WWOX: variants seen among roughly 807,000 people sequenced by gnomAD.
The protein encoded by WWOX is WW domain-containing oxidoreductase.
In WWOX, 69 loss-of-function variants were observed where a neutral mutation model predicts 46.2. That is an observed-to-expected ratio of 1.49 (90% confidence interval 1.23 to 1.82). WWOX has a LOEUF of 1.82. Ranked by LOEUF, WWOX falls within the 40% of genes most tolerant of loss-of-function variation. The pLI, the probability that WWOX is intolerant of heterozygous loss-of-function variation, is 0.00. For synonymous variants in WWOX, 359 were observed against 202.6 expected, an observed-to-expected ratio of 1.77 and a Z score of -6.56; for missense variants, 919 against 542.6, an observed-to-expected ratio of 1.69 and a Z score of -6.89.
intron 4 of WWOX, among the ~76,000 whole-genome samples, chr16:78,150,990 AC>A (rs1356879201): frequency 6.7e-6 from 1 of 148,706 alleles, no homozygotes; most frequent in African/African-American, 2.5e-5. Flanking sequence ...TGATCCTCCC[AC>A]CTCAGCCTCT....
rs933671784 is a variant in WWOX at position 78,219,856 on chromosome 16, C to T, written c.516+55567C>T. Among the ~76,000 whole-genome samples, 8 of 152,006 alleles carry T rather than the reference C, an allele frequency of 5.3e-5. No homozygotes were observed. The South Asian group carries it at 1.2e-3, about 24-fold the overall frequency. ...TCTCTTGTTTTATCTTGACTTCTCT[C>T]GACTGTGGTGACGGTTTGCATATAT... is the stretch of plus-strand genomic sequence containing the variant. On this transcript the variant is annotated intron_variant, in intron 5 of 8. Coordinates refer to ENST00000566780, the MANE Select transcript of WWOX (RefSeq NM_016373.4).
intron 8 of WWOX, among the ~76,000 whole-genome samples, chr16:78,843,986 A>G (rs1294961253): frequency 6.6e-6 from 1 of 152,160 alleles, no homozygotes; most frequent in African/African-American, 2.4e-5. Context: ...CAAAACCCAG[A>G]TGATGTATTC....
At chr16:78,135,743 C>G (rs1567591582) in intron 4 of WWOX, among the ~76,000 whole-genome samples, 2 of 152,016 alleles carry the variant, frequency 1.3e-5, no homozygotes, top group Non-Finnish European at 2.9e-5. Context: ...CTAAAACTGA[C>G]TCAAAAAGAT....
At position 78,510,215 on chromosome 16, in the gene WWOX, C is replaced by T. The variant is rs557340865; in HGVS notation, c.1056+77463C>T. 9.2e-5 allele frequency among the ~76,000 whole-genome samples: 14 copies of T among 152,222 alleles called. No individual in the cohort carries two copies. In the East Asian group the frequency reaches 2.7e-3, roughly 29 times the overall value. On this transcript the variant is annotated intron_variant, in intron 8 of 8. Coordinates refer to ENST00000566780, the MANE Select transcript of WWOX (RefSeq NM_016373.4). ...TCTGTCTTTATTGTTTCACTTTCAT[C>T]CTTCTTTTTTTGGAGATGGAGTCTT... is the stretch of plus-strand genomic sequence containing the variant.
At chr16:78,718,098 T>TTTTTTTTTTATTTTTTTTTAG (rs1555522417) in intron 8 of WWOX, among the ~76,000 whole-genome samples, 1 of 150,810 alleles carries the variant, frequency 6.6e-6, no homozygotes, top group African/African-American at 2.4e-5. Flanking sequence ...GGTGGTTGTA[T>TTTTTTTTTTATTTTTTTTTAG]TTTTGCCTCA....
chr16:78,517,502 C>T (rs1345906406), intron 8 of WWOX, among the ~76,000 whole-genome samples: 1 of 152,170 alleles, frequency 6.6e-6, no homozygotes, highest in South Asian at 2.1e-4. Flanking sequence ...TTATGGCATC[C>T]TAATGAATGT....
At chr16:79,021,962 C>T (rs1360319892) in intron 8 of WWOX, among the ~76,000 whole-genome samples, 1 of 152,202 alleles carries the variant, frequency 6.6e-6, no homozygotes, top group Non-Finnish European at 1.5e-5. Flanking sequence ...ACCCATGTGA[C>T]GTTCTCTCTG....
chr16:78,509,509 G>C (rs1045524494), intron 8 of WWOX, among the ~76,000 whole-genome samples: 1 of 152,008 alleles, frequency 6.6e-6, no homozygotes, highest in African/African-American at 2.4e-5. Flanking sequence ...TACCGCATGT[G>C]ACTATTAGCT....
chr16:78,771,345 A>C (rs1125678), intron 8 of WWOX, among the ~76,000 whole-genome samples: 113,651 of 152,148 alleles, frequency 0.75, 43,429 homozygotes, highest in Middle Eastern at 0.88. Flanking sequence ...GTTGAAGAAC[A>C]TGCATGCCCA....
At chr16:78,883,012 G>A (rs1052020972) in intron 8 of WWOX, among the ~76,000 whole-genome samples, 26 of 152,222 alleles carry the variant, frequency 1.7e-4, no homozygotes, top group African/African-American at 5.1e-4. Context: ...CCGACACAAG[G>A]AACTGCAACT....
intron 4 of WWOX, among the ~76,000 whole-genome samples, chr16:78,139,222 C>G (rs369647153): frequency 2.6e-5 from 4 of 152,224 alleles, no homozygotes; most frequent in African/African-American, 9.6e-5. Context: ...ATAATCCTAG[C>G]TTTCTTCAAG....
At chr16:79,151,692 C>G (rs1355928933) in intron 8 of WWOX, among the ~76,000 whole-genome samples, 1 of 152,104 alleles carries the variant, frequency 6.6e-6, no homozygotes, top group African/African-American at 2.4e-5. Context: ...TAAGTGGCCA[C>G]CCTATCTCGT....
intron 5 of WWOX, among the ~76,000 whole-genome samples, chr16:78,239,369 G>A (rs2037550165): frequency 6.6e-6 from 1 of 152,110 alleles, no homozygotes; most frequent in Non-Finnish European, 1.5e-5. Flanking sequence ...GGAAGGAAGA[G>A]CCTCATTCAT....
intron 8 of WWOX, among the ~76,000 whole-genome samples, chr16:78,705,689 T>A (rs1337531201): frequency 2.0e-5 from 3 of 152,246 alleles, no homozygotes; most frequent in South Asian, 4.1e-4. Flanking sequence ...TATTTATTTA[T>A]TTATTTGCTT....
chr16:78,756,038 C>T (rs981445296), intron 8 of WWOX, among the ~76,000 whole-genome samples: 1 of 152,120 alleles, frequency 6.6e-6, no homozygotes, highest in Non-Finnish European at 1.5e-5. Flanking sequence ...TGTATGAACT[C>T]TGAGGCATGA....
chr16:79,123,142 A>G (rs894104375), intron 8 of WWOX, among the ~76,000 whole-genome samples: 2 of 152,142 alleles, frequency 1.3e-5, no homozygotes, highest in African/African-American at 4.8e-5. Flanking sequence ...TGGGTAGGGA[A>G]GCAACAGAGT....
chr16:78,435,977 A>G (rs997609045), intron 8 of WWOX, among the ~76,000 whole-genome samples: 2 of 152,214 alleles, frequency 1.3e-5, no homozygotes, highest in African/African-American at 2.4e-5. Flanking sequence ...AATGTGGCTA[A>G]TAGAACTGAG....
At chr16:79,132,569 C>G (rs1208705926) in intron 8 of WWOX, among the ~76,000 whole-genome samples, 1 of 152,112 alleles carries the variant, frequency 6.6e-6, no homozygotes, top group Non-Finnish European at 1.5e-5. Context: ...AGCAACCTTT[C>G]CATTTGCTCT....
At chr16:78,667,248 C>G (rs560793053) in intron 8 of WWOX, among the ~76,000 whole-genome samples, 1 of 152,202 alleles carries the variant, frequency 6.6e-6, no homozygotes. Context: ...TCGTAGCAGA[C>G]TATCTTTCTA....
Sources: gnomAD v4.1 joint callset for allele counts (sites outside exome capture counted in the v4.1 genomes callset) on GRCh38, gnomAD v4.1.1 for gene constraint, MANE v1.5 for transcripts, NCBI Gene and HGNC (gene_info 2026-07-23, HGNC 2026-07-21) for gene names.